Variants in BMPER observed in about 807,000 individuals in gnomAD.
The protein encoded by BMPER is BMP binding endothelial regulator.
Under a neutral mutation model 87.3 loss-of-function variants are expected in BMPER, and 45 were observed. That is an observed-to-expected ratio of 0.52 (90% CI 0.41 to 0.66). The LOEUF (loss-of-function observed/expected upper bound fraction) is 0.66, where lower values mean the gene tolerates loss of function less well. Among genes scored for constraint, BMPER ranks in the 30% least tolerant of loss-of-function variants. The pLI, the probability that BMPER is intolerant of heterozygous loss-of-function variation, is 0.00. For missense variants in BMPER, 784 were observed against 867.5 expected (o/e 0.90, Z 1.21); for synonymous variants, 326 against 316.2 (o/e 1.03, Z -0.33).
intron 6 of BMPER, among the ~76,000 whole-genome samples, chr7:33,988,645 AG>A (rs1786088191): frequency 6.6e-6 from 1 of 151,978 alleles, no homozygotes; most frequent in African/African-American, 2.4e-5. Context: ...TTTAAGTTTT[AG>A]GGTACACGTG....
chr7:33,945,628 G>A (rs1784876037), intron 3 of BMPER, among the ~76,000 whole-genome samples: 1 of 152,082 alleles, frequency 6.6e-6, no homozygotes, highest in Admixed American at 6.5e-5. Flanking sequence ...GTCTGTCCAT[G>A]TAGTATTGAA....
intron 3 of BMPER, among the ~76,000 whole-genome samples, chr7:33,956,470 G>T (rs1263398105): frequency 1.3e-5 from 2 of 152,026 alleles, no homozygotes; most frequent in African/African-American, 4.8e-5. Flanking sequence ...CGAACCCTCG[G>T]ACAACATGGG....
At chr7:34,120,694 G>A (rs957249653) in intron 13 of BMPER, among the ~76,000 whole-genome samples, 7 of 152,238 alleles carry the variant, frequency 4.6e-5, no homozygotes, top group South Asian at 4.1e-4. Context: ...CGCTGTGCCC[G>A]GCCATTTGGA....
At chr7:34,082,424 G>A (rs1250403947) in intron 12 of BMPER, among the ~76,000 whole-genome samples, 1 of 140,784 alleles carries the variant, frequency 7.1e-6, no homozygotes, top group Non-Finnish European at 1.5e-5. Flanking sequence ...AAATGCATAT[G>A]TAGATGATAT....
rs751184182 is a variant in BMPER, at chr7:33,970,416, C to T, written c.490C>T (p.Pro164Ser). ...EHLGMCCPTCPGCVFEGVQYQ... is the reference protein window; with the variant it reads ...EHLGMCCPTCSGCVFEGVQYQ... ...TCTGGGAATGTGCTGCCCCACATGT[C>T]CAGGTAACGTTCTCAGGAAGGGGAG... Residue 164 changes from proline (P) to serine (S), a missense_variant, in exon 5 of 15, where the codon CCA becomes TCA. By Grantham distance (74) the Pro-to-Ser change is moderately conservative. Coordinates refer to ENST00000649409, the MANE Select transcript of BMPER (RefSeq NM_001365308.1). 1.9e-6 allele frequency: 3 copies of T among 1,613,732 alleles called. No individual in the cohort carries two copies. In the South Asian group the frequency reaches 3.3e-5, roughly 18 times the overall value.
chr7:34,055,085 T>G (rs1284817074), intron 8 of BMPER, 78 bp from the exon 9 acceptor site: 3 of 1,591,106 alleles, frequency 1.9e-6, no homozygotes, highest in African/African-American at 1.3e-5. Flanking sequence ...AGTTATGAGT[T>G]ATGAAAGGAA....
rs113368700 is a variant in BMPER, at chr7:33,983,324, T to C, written c.576+8540T>C. Reference sequence around the variant, plus strand: ...GAAATATTCTGTAAAGCTATTTTTCTACACAGGGAGACATTGACTTCATAT... The same window carrying C: ...GAAATATTCTGTAAAGCTATTTTTCCACACAGGGAGACATTGACTTCATAT... On this transcript the variant is annotated intron_variant, in intron 6 of 14. Transcript: ENST00000649409. Among the ~76,000 whole-genome samples, 565 of 152,302 alleles carry C rather than the reference T, an allele frequency of 3.7e-3. 4 individuals carry two copies. Among genetic ancestry groups the C allele is most frequent in the Non-Finnish European group, 5.4e-3 (364 of 68,022 alleles).
intron 13 of BMPER, among the ~76,000 whole-genome samples, chr7:34,135,001 C>A (rs1790685092): frequency 6.6e-6 from 1 of 152,168 alleles, no homozygotes; most frequent in Admixed American, 6.5e-5. Flanking sequence ...GGTGAATGAT[C>A]ATTTCTGGAG....
intron 13 of BMPER, among the ~76,000 whole-genome samples, chr7:34,126,358 G>A (rs1436531241): frequency 6.6e-6 from 1 of 152,222 alleles, no homozygotes; most frequent in African/African-American, 2.4e-5. Flanking sequence ...TGTGGACCAT[G>A]ACTAGGGCTT....
intron 6 of BMPER, among the ~76,000 whole-genome samples, chr7:33,995,073 A>G (rs1453418246): frequency 6.6e-6 from 1 of 152,128 alleles, no homozygotes; most frequent in Non-Finnish European, 1.5e-5. Flanking sequence ...CTTTTTTGGG[A>G]TATGGGAATT....
chr7:34,112,496 G>GAAA (rs35506917), intron 13 of BMPER, among the ~76,000 whole-genome samples: 5 of 18,748 alleles, frequency 2.7e-4, no homozygotes, highest in Admixed American at 2.4e-3. Context: ...CTCCGTCTCA[G>GAAA]AAAAAAAAAA....
intron 6 of BMPER, among the ~76,000 whole-genome samples, chr7:33,992,672 G>A (rs1337797790): frequency 1.3e-5 from 2 of 149,012 alleles, no homozygotes; most frequent in African/African-American, 2.5e-5. Context: ...GACGTTAGCT[G>A]GTTATTTTGC....
intron 3 of BMPER, among the ~76,000 whole-genome samples, chr7:33,953,043 G>A (rs146341228): frequency 4.3e-4 from 65 of 152,330 alleles, no homozygotes; most frequent in East Asian, 2.1e-3. Flanking sequence ...ACATGCTTGG[G>A]CATTGACTGG....
At chr7:34,068,612 T>A (rs1788657479) in intron 11 of BMPER, among the ~76,000 whole-genome samples, 1 of 152,198 alleles carries the variant, frequency 6.6e-6, no homozygotes, top group Non-Finnish European at 1.5e-5. Flanking sequence ...TTTCCATGTC[T>A]ACTAGTTTTT....
At chr7:33,920,685 A>G (rs756202867) in intron 2 of BMPER, among the ~76,000 whole-genome samples, 2 of 151,950 alleles carry the variant, frequency 1.3e-5, no homozygotes, top group Non-Finnish European at 2.9e-5. Flanking sequence ...TGGCCCCCCC[A>G]AAGTGCTGGG....
chr7:34,120,427 T>C (rs1410261796), intron 13 of BMPER, among the ~76,000 whole-genome samples: 5 of 152,190 alleles, frequency 3.3e-5, no homozygotes, highest in African/African-American at 1.2e-4. Context: ...AGATGGAGTT[T>C]TGCTCTCGTT....
chr7:33,942,732 G>A (rs180967931), intron 3 of BMPER, among the ~76,000 whole-genome samples: 34 of 152,312 alleles, frequency 2.2e-4, no homozygotes, highest in African/African-American at 7.7e-4. Context: ...CCATGTAGGC[G>A]TGAGAAATCT....
intron 13 of BMPER, among the ~76,000 whole-genome samples, chr7:34,132,925 C>G (rs1372072178): frequency 6.6e-6 from 1 of 152,144 alleles, no homozygotes; most frequent in Non-Finnish European, 1.5e-5. Context: ...GTATATTGCT[C>G]TCTGACATAG....
intron 14 of BMPER, among the ~76,000 whole-genome samples, 158 bp from the exon 15 acceptor site, chr7:34,152,934 T>A (rs1791216266): frequency 6.6e-6 from 1 of 152,212 alleles, no homozygotes; most frequent in African/African-American, 2.4e-5. Context: ...GTTTGAAGAA[T>A]GTTGGGTGTT....
Sources: gnomAD v4.1 joint callset for allele counts (sites outside exome capture counted in the v4.1 genomes callset) on GRCh38, gnomAD v4.1.1 for gene constraint, MANE v1.5 for transcripts, NCBI Gene and HGNC (gene_info 2026-07-23, HGNC 2026-07-21) for gene names.